ARMC3: variants seen among roughly 807,000 people sequenced by gnomAD.
ARMC3 encodes armadillo repeat containing 3, also known as armadillo repeat-containing protein 3.
Under a neutral mutation model 90.3 loss-of-function variants are expected in ARMC3, and 74 were observed. The ratio of observed to expected loss-of-function variants is 0.82; its 90% CI spans 0.68 to 0.99. ARMC3 has a LOEUF of 0.99. Among genes scored for constraint, ARMC3 ranks in the 50% least tolerant of loss-of-function variants. The probability of loss-of-function intolerance (pLI) is 0.00; values close to 1 mark genes in which losing one functional copy is unlikely to be tolerated. For missense variants in ARMC3, 958 were observed against 1,042.8 expected (o/e 0.92, Z 1.12); for synonymous variants, 334 against 361.8 (o/e 0.92, Z 0.87).
At chr10:22,953,887 C>G (rs1188865709) in intron 3 of ARMC3, among the ~76,000 whole-genome samples, 2 of 152,196 alleles carry the variant, frequency 1.3e-5, no homozygotes, top group African/African-American at 4.8e-5. Context: ...GGATTTACCA[C>G]AGTTTGCCTG....
chr10:23,018,665 T>C (rs1387844295), intron 16 of ARMC3, among the ~76,000 whole-genome samples: 3 of 151,874 alleles, frequency 2.0e-5, no homozygotes, highest in Non-Finnish European at 2.9e-5. Flanking sequence ...TACAGGTGCC[T>C]GCCACCACAC....
chr10:23,030,391 G>A lies in ARMC3; in HGVS notation c.2046-205G>A, dbSNP rs562088690. On this transcript the variant is annotated intron_variant, in intron 16 of 18. Transcript: ENST00000298032. ...TGTATTTTCAGTCACATTTGGTTGT[G>A]GAATGCGGAACCCATGGATAAGAAG... 5.9e-5 allele frequency among the ~76,000 whole-genome samples: 9 copies of A among 152,132 alleles called. No homozygotes were observed. The South Asian group carries it at 1.2e-3, about 21-fold the overall frequency.
chr10:22,997,960 C>G (rs537531534), intron 10 of ARMC3, among the ~76,000 whole-genome samples, 188 bp from the exon 11 acceptor site: 14 of 152,260 alleles, frequency 9.2e-5, no homozygotes, highest in Non-Finnish European at 4.4e-5. Flanking sequence ...TAAATTCATT[C>G]ATAGCTCAAA....
intron 3 of ARMC3, among the ~76,000 whole-genome samples, chr10:22,951,986 G>T (rs1834755714): frequency 6.6e-6 from 1 of 152,056 alleles, no homozygotes. Flanking sequence ...AAAATTAGGT[G>T]TGGTGGCATG....
intron 16 of ARMC3, among the ~76,000 whole-genome samples, chr10:23,023,432 T>C (rs554852803): frequency 1.3e-5 from 2 of 152,204 alleles, no homozygotes; most frequent in African/African-American, 4.8e-5. Context: ...ATAGCCAGAT[T>C]ATGACCCACA....
intron 10 of ARMC3, among the ~76,000 whole-genome samples, chr10:22,984,587 C>G (rs533454031): frequency 4.6e-5 from 7 of 152,108 alleles, no homozygotes; most frequent in African/African-American, 1.7e-4. Context: ...CAAAAAAACA[C>G]ACTCAAATAT....
rs192329975 is a variant in ARMC3 at position 22,941,917 on chromosome 10, A to C, written c.49-4227A>C. Among the ~76,000 whole-genome samples the C allele has an allele frequency of 1.7e-3, 259 of 152,322 alleles. 1 individual carries two copies. Among genetic ancestry groups the C allele is most frequent in the African/African-American group, 5.9e-3 (244 of 41,564 alleles). ...AGGCCCTCTCAATTGCTGGTCATGA[A>C]TTTATAATGATACTAATTTTCTTCT... On this transcript the variant is annotated intron_variant, in intron 2 of 18. Transcript: ENST00000298032.
chr10:23,037,119 A>T, intron 18 of ARMC3, 151 bp from the exon 19 acceptor site: 1 of 650,622 alleles, frequency 1.5e-6, no homozygotes, highest in Non-Finnish European at 2.5e-6. Flanking sequence ...TGGCCCCTAT[A>T]CCAATAGTCC....
intron 2 of ARMC3, among the ~76,000 whole-genome samples, chr10:22,935,929 C>T (rs1834091656): frequency 6.6e-6 from 1 of 152,236 alleles, no homozygotes; most frequent in Middle Eastern, 3.4e-3. Context: ...TCTGTCTTTT[C>T]CTACACAATT....
At chr10:22,931,813 G>T (rs1833943386) in intron 1 of ARMC3, among the ~76,000 whole-genome samples, 183 bp from the exon 2 acceptor site, 1 of 152,152 alleles carries the variant, frequency 6.6e-6, no homozygotes. Context: ...CCTTAAAATT[G>T]CAGAGTTTGA....
rs182361558 is a variant in ARMC3, at chr10:22,946,362, C to T, written c.166+101C>T. 367 of 716,438 alleles carry T rather than the reference C, an allele frequency of 5.1e-4. 4 individuals carry two copies. In the South Asian group the frequency reaches 5.2e-3, roughly 10 times the overall value. 44.4% of individuals were successfully genotyped at this position (716,438 alleles called of 1,614,324 possible). ...TCCTAGTCTTTAACTTACTTGCTGT[C>T]GGATGAATTATTTCAGACAACCAGG... On this transcript the variant is annotated intron_variant, in intron 3 of 18. Transcript: ENST00000298032.
Position 22,959,459 on chromosome 10 carries a change from C to T in ARMC3, c.422C>T (p.Thr141Ile). The T allele has an allele frequency of 6.2e-7, 1 of 1,613,742 alleles. No individual in the cohort carries two copies. The highest frequency in any genetic ancestry group is 8.5e-7 in the Non-Finnish European group (1 of 1,179,804). ...CTAGCAAACATGTCTGCAGAGTACA[C>T]CAGTAAAGTGCAAATATTTGAACAT... ...LCLANMSAEY[T>I]SKVQIFEHGG... is the part of the protein sequence containing the mutation. Residue 141 changes from threonine to isoleucine, a missense_variant, in exon 6 of 19, where the codon ACC (threonine) becomes ATC (isoleucine). Transcript: ENST00000298032.
chr10:23,015,556 AAGTT>A (rs148931102), intron 16 of ARMC3, among the ~76,000 whole-genome samples: 26,700 of 152,076 alleles, frequency 0.18, 2,413 homozygotes, highest in South Asian at 0.19. Context: ...ACACATTTAA[AAGTT>A]AGTTGTTTTT....
chr10:22,971,160 A>G (rs1835667437), intron 8 of ARMC3, among the ~76,000 whole-genome samples: 1 of 152,178 alleles, frequency 6.6e-6, no homozygotes, highest in African/African-American at 2.4e-5. Flanking sequence ...TTGCAAATGC[A>G]TAGCACTTGG....
At chr10:22,994,741 G>C (rs559918544) in intron 10 of ARMC3, among the ~76,000 whole-genome samples, 1 of 152,302 alleles carries the variant, frequency 6.6e-6, no homozygotes, top group African/African-American at 2.4e-5. Flanking sequence ...AAGAGAGGAT[G>C]CTGAATTGGA....
At chr10:23,036,894 C>T (rs1839144200) in intron 18 of ARMC3, among the ~76,000 whole-genome samples, 1 of 151,988 alleles carries the variant, frequency 6.6e-6, no homozygotes, top group African/African-American at 2.4e-5. Flanking sequence ...GTGATGCCTC[C>T]ATTCAGTCCC....
rs1412575930 is a variant in ARMC3, at chr10:22,998,151, T to C, written c.1179T>C (p.Ala393=). Residue 393 remains alanine (A), a synonymous_variant, in exon 11 of 19, where the codon GCT becomes GCC. Transcript: ENST00000298032. ...CATTTCTCTTTCATTTACTCAGCGC[T>C]GCTGCTGAAGCTGATGGTATTGATC... ...LTTCNPANAN[A]AAEADGIDPL... is the part of the protein sequence containing the mutation. 6.2e-7 allele frequency: 1 copy of C among 1,613,806 alleles called. No individual in the cohort carries two copies. Among genetic ancestry groups the C allele is most frequent in the Admixed American group, 1.7e-5 (1 of 60,012 alleles).
At chr10:22,983,643 T>G (rs921549265) in intron 10 of ARMC3, among the ~76,000 whole-genome samples, 2 of 152,206 alleles carry the variant, frequency 1.3e-5, no homozygotes, top group African/African-American at 4.8e-5. Context: ...TGGGATTTTC[T>G]GAGCTAAAAA....
At chr10:22,963,926 A>C (rs1218643232) in intron 7 of ARMC3, among the ~76,000 whole-genome samples, 36 of 91,726 alleles carry the variant, frequency 3.9e-4, no homozygotes, top group African/African-American at 7.8e-4. Context: ...CACACACAAA[A>C]AAAAAAAAAA....
Sources: gnomAD v4.1 joint callset for allele counts (sites outside exome capture counted in the v4.1 genomes callset) on GRCh38, gnomAD v4.1.1 for gene constraint, MANE v1.5 for transcripts, NCBI Gene and HGNC (gene_info 2026-07-23, HGNC 2026-07-21) for gene names.